STOX2: variants seen among roughly 807,000 people sequenced by gnomAD.
STOX2 encodes the protein storkhead box 2.
A neutral mutation model predicts 60.9 loss-of-function variants in STOX2; 28 were observed. The observed-to-expected ratio is 0.46, with a 90% CI of 0.34 to 0.63. The LOEUF (loss-of-function observed/expected upper bound fraction) is 0.63. STOX2 is among the 30% of genes least tolerant of loss of function. The probability of loss-of-function intolerance (pLI) is 0.01; values close to 1 mark genes in which losing one functional copy is unlikely to be tolerated. For synonymous variants in STOX2, 472 were observed against 463.9 expected (o/e 1.02, Z -0.22); for missense variants, 1,024 against 1,187.7 (o/e 0.86, Z 2.03).
intron 1 of STOX2, among the ~76,000 whole-genome samples, chr4:183,919,941 G>A (rs1478814093): frequency 1.3e-5 from 2 of 151,948 alleles, no homozygotes; most frequent in Non-Finnish European, 2.9e-5. Flanking sequence ...TTGGTGTGTT[G>A]GTACCTGTGT....
chr4:183,858,732 T>C (rs1740361807), intron 1 of STOX2, among the ~76,000 whole-genome samples: 1 of 152,250 alleles, frequency 6.6e-6, no homozygotes, highest in Non-Finnish European at 1.5e-5. Flanking sequence ...AATATCCTCA[T>C]CTATCCAAAT....
chr4:183,949,793 T>C (rs1008276878), intron 1 of STOX2, among the ~76,000 whole-genome samples: 2 of 152,236 alleles, frequency 1.3e-5, no homozygotes, highest in African/African-American at 4.8e-5. Context: ...CATATTTTTT[T>C]GAGTGCTTGT....
In STOX2 at chr4:183,906,664, C is replaced by T. The variant is rs1220030865; in HGVS notation, c.-127C>T. ...CCGCCGCTGGCGGTGTAGACGCCGA[C>T]GAGGAGGGGCTGGGAAAATGTGCGC... On this transcript the variant is annotated 5_prime_UTR_variant, in exon 1 of 4. It adds an upstream start codon to the 5' untranslated region. Transcript: ENST00000308497. The T allele has an allele frequency of 1.9e-6, 2 of 1,077,004 alleles. No individual in the cohort carries two copies. The highest frequency in any genetic ancestry group is 3.1e-5 in the Admixed American group (1 of 32,110). 66.7% of individuals were successfully genotyped at this position (1,077,004 alleles called of 1,614,324 possible).
At chr4:183,800,652 A>G (rs1738740885) in intron 1 of STOX2, among the ~76,000 whole-genome samples, 1 of 152,230 alleles carries the variant, frequency 6.6e-6, no homozygotes, top group Non-Finnish European at 1.5e-5. Flanking sequence ...TAAGCTCATC[A>G]GTTACCAATA....
At chr4:183,847,366 G>A (rs1416568642) in intron 1 of STOX2, among the ~76,000 whole-genome samples, 2 of 152,038 alleles carry the variant, frequency 1.3e-5, no homozygotes, top group East Asian at 1.9e-4. Context: ...TCTGTTGTTT[G>A]CCCCAATTTG....
chr4:183,983,607 A>C (rs772450492), intron 1 of STOX2, among the ~76,000 whole-genome samples: 7 of 152,340 alleles, frequency 4.6e-5, no homozygotes, highest in Admixed American at 1.3e-4. Flanking sequence ...CCATATTGTC[A>C]GCATCCCTTC....
intron 1 of STOX2, among the ~76,000 whole-genome samples, chr4:183,951,068 T>C (rs1309090524): frequency 2.0e-5 from 3 of 151,314 alleles, no homozygotes; most frequent in African/African-American, 4.9e-5. Flanking sequence ...ACAAAAAAAT[T>C]AGCCGGGCGT....
intron 1 of STOX2, among the ~76,000 whole-genome samples, chr4:183,967,518 A>G (rs777773052): frequency 6.6e-6 from 1 of 152,056 alleles, no homozygotes; most frequent in Non-Finnish European, 1.5e-5. Flanking sequence ...GGAAGAGTGA[A>G]GGAAGGGTAA....
intron 1 of STOX2, among the ~76,000 whole-genome samples, chr4:183,818,562 C>T (rs927062339): frequency 9.9e-5 from 15 of 152,224 alleles, no homozygotes; most frequent in Non-Finnish European, 1.6e-4. Flanking sequence ...CTTTTCTATT[C>T]GACAAAACCG....
At chr4:183,867,394 C>G (rs1233935955) in intron 1 of STOX2, among the ~76,000 whole-genome samples, 2 of 152,172 alleles carry the variant, frequency 1.3e-5, no homozygotes, top group Non-Finnish European at 2.9e-5. Context: ...AAGCCGAGAG[C>G]CCGAGGAGAA....
chr4:183,936,927 G>T (rs1169708619), intron 1 of STOX2, among the ~76,000 whole-genome samples: 1 of 152,166 alleles, frequency 6.6e-6, no homozygotes, highest in African/African-American at 2.4e-5. Context: ...GATATAATTT[G>T]GTGGGCAGAG....
chr4:183,887,157 G>C (rs555991618), intron 1 of STOX2, among the ~76,000 whole-genome samples: 1 of 152,222 alleles, frequency 6.6e-6, no homozygotes, highest in East Asian at 1.9e-4. Flanking sequence ...CCAGCTACTC[G>C]GGAGGCTGAG....
intron 1 of STOX2, among the ~76,000 whole-genome samples, chr4:183,976,213 G>A (rs970673300): frequency 2.6e-5 from 4 of 152,214 alleles, no homozygotes; most frequent in Non-Finnish European, 1.5e-5. Flanking sequence ...GCAGGAGGCT[G>A]AGGCAGGAGA....
intron 1 of STOX2, among the ~76,000 whole-genome samples, chr4:183,848,397 G>A (rs75138226): frequency 0.015 from 2,256 of 152,244 alleles, 55 homozygotes; most frequent in African/African-American, 0.052. Flanking sequence ...TTTTTAGAAC[G>A]TTGGAACAGA....
At position 184,009,218 on chromosome 4, in the gene STOX2, G is replaced by C. The variant is rs376218966; in HGVS notation, c.380G>C (p.Arg127Thr). The C allele has an allele frequency of 6.2e-7, 1 of 1,607,994 alleles. No individual in the cohort carries two copies. Among genetic ancestry groups the C allele is most frequent in the South Asian group, 1.1e-5 (1 of 90,254 alleles). Residue 127 changes from arginine to threonine, a missense_variant, in exon 3 of 4, where the codon AGG becomes ACG. Arg to Thr is a moderately conservative substitution (Grantham distance 71). This residue lies in a region of STOX2 where 922 missense variants were observed against 1,058.3 expected (regional missense o/e 0.87). Coordinates refer to ENST00000308497, the MANE Select transcript of STOX2 (RefSeq NM_020225.3). The surrounding 1 kb of genome is among the most constrained non-coding windows in gnomAD (Gnocchi z 4.0). ...ACGCTGAACACGCTGGTACGGGAGA[G>C]GAAGATCTACCCAACTCCAGATGGC... is the stretch of plus-strand genomic sequence containing the variant. ...RHTLNTLVRE[R>T]KIYPTPDGYF...
intron 1 of STOX2, among the ~76,000 whole-genome samples, chr4:183,850,263 A>G (rs1370420470): frequency 2.6e-5 from 4 of 151,670 alleles, no homozygotes. Context: ...ATGAGCCACC[A>G]CACCCAGCCT....
At chr4:183,989,503 C>G (rs780927457) in intron 1 of STOX2, among the ~76,000 whole-genome samples, 4 of 152,046 alleles carry the variant, frequency 2.6e-5, no homozygotes, top group Non-Finnish European at 4.4e-5. Flanking sequence ...TGCCCGGCCT[C>G]GACATTTTTT....
At chr4:183,827,894 GAA>G (rs1205570466) in intron 1 of STOX2, among the ~76,000 whole-genome samples, 15 of 141,970 alleles carry the variant, frequency 1.1e-4, no homozygotes, top group Admixed American at 9.2e-4. Context: ...AAAAAAAAAA[GAA>G]AGAAAAAAAG....
At chr4:183,803,402 T>C (rs907691900) in intron 1 of STOX2, among the ~76,000 whole-genome samples, 2 of 152,160 alleles carry the variant, frequency 1.3e-5, no homozygotes, top group African/African-American at 2.4e-5. Context: ...AAATGTACAC[T>C]CCACAGACAT....
Sources: allele counts gnomAD v4.1 joint callset (sites outside exome capture counted in the v4.1 genomes callset), GRCh38; gene constraint gnomAD v4.1.1; regional missense constraint gnomAD v4.1.1; non-coding constraint Gnocchi (gnomAD v3.1); transcripts MANE v1.5; gene names NCBI Gene and HGNC (gene_info 2026-07-23, HGNC 2026-07-21).